The following TSHZ2 variants were observed in gnomAD, a reference collection of about 807,000 sequenced individuals.
The protein encoded by TSHZ2 is teashirt homolog 2.
TSHZ2 carries 21 observed loss-of-function variants against 74.4 expected under a neutral mutation model. The observed-to-expected ratio is 0.28, with a 90% CI of 0.20 to 0.41. The LOEUF (loss-of-function observed/expected upper bound fraction) is 0.41, where lower values mean the gene tolerates loss of function less well. Ranked by LOEUF, TSHZ2 falls within the 10% of genes least tolerant of loss-of-function variation. The pLI is 1.00. For missense variants in TSHZ2, 1,244 were observed against 1,293.5 expected (o/e 0.96, Z 0.59); for synonymous variants, 540 against 515.3 (o/e 1.05, Z -0.65).
intron 2 of TSHZ2, among the ~76,000 whole-genome samples, chr20:53,295,180 A>G (rs1209806096): frequency 2.0e-5 from 3 of 152,192 alleles, no homozygotes; most frequent in Non-Finnish European, 4.4e-5. Context: ...CACCATACTC[A>G]TTTCCATTTG....
intron 1 of TSHZ2, among the ~76,000 whole-genome samples, chr20:53,137,568 G>A (rs188249141): frequency 2.3e-4 from 35 of 152,142 alleles, no homozygotes; most frequent in East Asian, 1.5e-3. Flanking sequence ...CAAATCTGCC[G>A]CTAAATCCTA....
At chr20:53,126,740 T>G (rs899765282) in intron 1 of TSHZ2, among the ~76,000 whole-genome samples, 1 of 152,188 alleles carries the variant, frequency 6.6e-6, no homozygotes, top group Non-Finnish European at 1.5e-5. Flanking sequence ...AAGTAAAATA[T>G]GACCAAAGCT....
intron 2 of TSHZ2, among the ~76,000 whole-genome samples, chr20:53,384,283 A>G (rs1326034137): frequency 6.6e-6 from 1 of 152,222 alleles, no homozygotes. Context: ...GAAGACATTC[A>G]TTACTGAAGG....
chr20:53,037,999 C>T (rs537149260), intron 1 of TSHZ2, among the ~76,000 whole-genome samples: 2 of 151,898 alleles, frequency 1.3e-5, no homozygotes, highest in Non-Finnish European at 2.9e-5. Flanking sequence ...ATTCACTGTG[C>T]TGACAAGCTC....
chr20:53,288,436 T>A (rs1003420790), intron 2 of TSHZ2, among the ~76,000 whole-genome samples: 4 of 151,782 alleles, frequency 2.6e-5, no homozygotes, highest in African/African-American at 9.7e-5. Flanking sequence ...AACTAGCTAC[T>A]GTTCAATAAG....
chr20:52,982,925 G>A (rs905856068), intron 1 of TSHZ2, among the ~76,000 whole-genome samples: 3 of 152,164 alleles, frequency 2.0e-5, no homozygotes, highest in African/African-American at 7.2e-5. Flanking sequence ...GATGTGATCT[G>A]ATTGGTTATT....
intron 2 of TSHZ2, among the ~76,000 whole-genome samples, chr20:53,261,612 T>A (rs1275907325): frequency 2.0e-5 from 3 of 152,230 alleles, no homozygotes; most frequent in Non-Finnish European, 4.4e-5. Flanking sequence ...CGTCTATGCA[T>A]CTCAGCCTCC....
Position 53,005,996 on chromosome 20 carries a change from C to T in TSHZ2, c.40+32663C>T, listed in dbSNP as rs184278841. Reference sequence around the variant, plus strand: ...GGAATGTATTTAATAGTTAGATGATCCTTCATTCTTTTCTTTTTTGTGACA... The same window carrying T: ...GGAATGTATTTAATAGTTAGATGATTCTTCATTCTTTTCTTTTTTGTGACA... On this transcript the variant is annotated intron_variant, in intron 1 of 2. Transcript: ENST00000371497. 2.3e-4 allele frequency among the ~76,000 whole-genome samples: 35 copies of T among 152,278 alleles called. No individual in the cohort carries two copies. In the South Asian group the frequency reaches 5.2e-3, roughly 23 times the overall value.
At chr20:53,024,149 G>T (rs1238847253) in intron 1 of TSHZ2, among the ~76,000 whole-genome samples, 3 of 151,612 alleles carry the variant, frequency 2.0e-5, no homozygotes, top group African/African-American at 7.3e-5. Flanking sequence ...CATAACCAGA[G>T]TGTATGGCTT....
intron 1 of TSHZ2, among the ~76,000 whole-genome samples, chr20:53,107,444 C>T (rs1313208965): frequency 1.3e-5 from 2 of 152,188 alleles, no homozygotes; most frequent in Non-Finnish European, 2.9e-5. Flanking sequence ...AGCACCACCT[C>T]GCCTCTGTTT....
chr20:53,192,361 G>A (rs1250526290), intron 1 of TSHZ2, among the ~76,000 whole-genome samples: 1 of 151,830 alleles, frequency 6.6e-6, no homozygotes, highest in African/African-American at 2.4e-5. Context: ...CAAAGGACAA[G>A]GACAACCTCC....
Position 53,261,992 on chromosome 20 carries a change from C to T in TSHZ2, c.*8+5421C>T, listed in dbSNP as rs1600775206. On this transcript the variant is annotated intron_variant, in intron 2 of 2. Coordinates refer to ENST00000371497, the MANE Select transcript of TSHZ2 (RefSeq NM_173485.6). ...AGAATCTGGTGGAGGGACACACAAT[C>T]GCCAGAGCTGCTCTCTGTGAGGATC... 2.6e-5 allele frequency among the ~76,000 whole-genome samples: 4 copies of T among 152,174 alleles called. 1 individual carries two copies. The highest frequency in any genetic ancestry group is 4.1e-4 in the South Asian group (2 of 4,830).
chr20:53,456,086 T>C (rs1341713895), intron 2 of TSHZ2, among the ~76,000 whole-genome samples: 1 of 152,094 alleles, frequency 6.6e-6, no homozygotes, highest in African/African-American at 2.4e-5. Context: ...AGTAATGGGA[T>C]GGCTGGGTCA....
intron 2 of TSHZ2, among the ~76,000 whole-genome samples, chr20:53,305,485 T>C (rs1978494117): frequency 6.6e-6 from 1 of 152,192 alleles, no homozygotes; most frequent in South Asian, 2.1e-4. Context: ...CCAAGCTATA[T>C]CCCAGACAAG....
intron 2 of TSHZ2, among the ~76,000 whole-genome samples, chr20:53,343,219 A>T (rs913110098): frequency 6.6e-6 from 1 of 152,004 alleles, no homozygotes; most frequent in Non-Finnish European, 1.5e-5. Flanking sequence ...TGCCCATCTC[A>T]GCCTCCCAAA....
chr20:53,228,446 G>C (rs557830753), intron 1 of TSHZ2, among the ~76,000 whole-genome samples: 2 of 152,268 alleles, frequency 1.3e-5, no homozygotes, highest in East Asian at 3.9e-4. Context: ...TCTTTTAGGA[G>C]CTTATAAGCA....
At position 53,253,414 on chromosome 20, in the gene TSHZ2, T is replaced by C. The variant is rs1990372479; in HGVS notation, c.41-85T>C. The C allele has an allele frequency of 2.0e-6, 3 of 1,502,956 alleles. No individual in the cohort carries two copies. The African/African-American group carries it at 4.2e-5, about 21-fold the overall frequency. 93.1% of individuals were successfully genotyped at this position (1,502,956 alleles called of 1,614,324 possible). A position where few individuals can be genotyped will look rare whatever the true frequency, so the allele number is the denominator to read the frequency against. ...GATTAAATCACCGTTCAGTTCGGCA[T>C]GGGAAGCACTTAGTCTATGTGAGGA... On this transcript the variant is annotated intron_variant, in intron 1 of 2. Coordinates refer to ENST00000371497, the MANE Select transcript of TSHZ2 (RefSeq NM_173485.6).
intron 1 of TSHZ2, among the ~76,000 whole-genome samples, chr20:53,100,651 G>C (rs1986190913): frequency 6.6e-6 from 1 of 152,096 alleles, no homozygotes; most frequent in African/African-American, 2.4e-5. Context: ...TTTCACAAAA[G>C]GGTCAAAGCC....
intron 1 of TSHZ2, among the ~76,000 whole-genome samples, chr20:53,050,125 ACACATATATATATGTG>A: frequency 1.2e-5 from 1 of 85,364 alleles, no homozygotes; most frequent in African/African-American, 9.7e-5. Flanking sequence ...ATATATATAT[ACACATATATATATGTG>A]TATATATATA....
Sources: gnomAD v4.1 joint callset for allele counts (sites outside exome capture counted in the v4.1 genomes callset) on GRCh38, gnomAD v4.1.1 for gene constraint, MANE v1.5 for transcripts, NCBI Gene and HGNC (gene_info 2026-07-23, HGNC 2026-07-21) for gene names.